VPS13A: variants seen among roughly 807,000 people sequenced by gnomAD.
The protein encoded by VPS13A is intermembrane lipid transfer protein VPS13A.
Under a neutral mutation model 390.9 loss-of-function variants are expected in VPS13A, and 264 were observed. The observed-to-expected ratio is 0.68, with a 90% CI of 0.61 to 0.75. VPS13A has a LOEUF of 0.75. Ranked by LOEUF, VPS13A falls within the 30% of genes least tolerant of loss-of-function variation. The probability of loss-of-function intolerance (pLI) is 0.00; values close to 1 mark genes in which losing one functional copy is unlikely to be tolerated. For synonymous variants in VPS13A, 1,231 were observed against 1,227.1 expected (o/e 1.00, Z -0.07); for missense variants, 3,409 against 3,733.9 (o/e 0.91, Z 2.27).
chr9:77,409,422 A>G (rs1834795889), intron 71 of VPS13A, among the ~76,000 whole-genome samples: 1 of 152,246 alleles, frequency 6.6e-6, no homozygotes, highest in African/African-American at 2.4e-5. Context: ...GCAGCTCCTC[A>G]CCAGCAATGG....
chr9:77,382,423 A>T (rs1306734967), intron 68 of VPS13A: 21 of 1,420,078 alleles, frequency 1.5e-5, no homozygotes, highest in Non-Finnish European at 1.9e-5. Flanking sequence ...GGTAACTTTT[A>T]ATAGGAATTT....
chr9:77,217,414 A>G (rs1006781737), intron 10 of VPS13A, among the ~76,000 whole-genome samples: 1 of 152,172 alleles, frequency 6.6e-6, no homozygotes, highest in South Asian at 2.1e-4. Flanking sequence ...TCACCTGAAT[A>G]ATGTACATTG....
At chr9:77,346,009 C>T (rs753077103) in intron 52 of VPS13A, among the ~76,000 whole-genome samples, 39 of 152,034 alleles carry the variant, frequency 2.6e-4, no homozygotes, top group Non-Finnish European at 4.3e-4. Flanking sequence ...AATATAATGA[C>T]TTCTCTTCCT....
intron 3 of VPS13A, among the ~76,000 whole-genome samples, chr9:77,203,964 A>G (rs1446384716): frequency 6.6e-6 from 1 of 152,164 alleles, no homozygotes; most frequent in East Asian, 1.9e-4. Flanking sequence ...CAGAGGCAAG[A>G]GGATTGCTTG....
intron 29 of VPS13A, among the ~76,000 whole-genome samples, 187 bp from the exon 30 acceptor site, chr9:77,283,168 T>A (rs1447093743): frequency 6.6e-6 from 1 of 152,182 alleles, no homozygotes; most frequent in South Asian, 2.1e-4. Context: ...TTGTTTTTGT[T>A]AGATTTTATT....
intron 51 of VPS13A, among the ~76,000 whole-genome samples, chr9:77,344,714 G>A (rs972044835): frequency 8.6e-5 from 13 of 151,422 alleles, no homozygotes; most frequent in South Asian, 8.3e-4. Context: ...AGCCGAGATC[G>A]CGCCACTGCA....
At position 77,220,060 on chromosome 9, in the gene VPS13A, A is replaced by G; in HGVS notation, c.861A>G (p.Ala287=). The G allele has an allele frequency of 6.2e-7, 1 of 1,610,148 alleles. No homozygotes were observed. The highest frequency in any genetic ancestry group is 8.5e-7 in the Non-Finnish European group (1 of 1,177,056). Residue 287 remains alanine, a synonymous_variant, in exon 11 of 72, where the codon GCA becomes GCG. Transcript: ENST00000360280. ...TGGAAATTGAGTTACATAACATAGC[A>G]ATTGAATTTAATAAACCACAGGTGA... The part of the protein sequence containing the change: ...INLEIELHNI[A]IEFNKPQYFS...
At chr9:77,353,953 C>T (rs1831617963) in intron 54 of VPS13A, among the ~76,000 whole-genome samples, 1 of 152,112 alleles carries the variant, frequency 6.6e-6, no homozygotes, top group South Asian at 2.1e-4. Context: ...CCATTACCAT[C>T]TAGCACAGTT....
chr9:77,241,446 T>C (rs575991837), intron 19 of VPS13A, among the ~76,000 whole-genome samples: 6 of 152,064 alleles, frequency 3.9e-5, no homozygotes, highest in African/African-American at 1.4e-4. Flanking sequence ...CTTTTTTTTT[T>C]TTTTCAGAGA....
intron 17 of VPS13A, among the ~76,000 whole-genome samples, chr9:77,235,904 T>C (rs1212890082): frequency 6.6e-6 from 1 of 152,204 alleles, no homozygotes; most frequent in East Asian, 1.9e-4. Context: ...TGATCCATAT[T>C]TAGTAGAAAT....
chr9:77,210,807 A>G (rs1197314137), intron 7 of VPS13A, 132 bp downstream of exon 7: 2 of 883,782 alleles, frequency 2.3e-6, no homozygotes, highest in Non-Finnish European at 3.7e-6. Flanking sequence ...TCTTCATTGG[A>G]TTGGAATCGA....
chr9:77,215,823 C>G (rs972189470), intron 10 of VPS13A, among the ~76,000 whole-genome samples: 4 of 152,230 alleles, frequency 2.6e-5, no homozygotes, highest in Admixed American at 6.5e-5. Context: ...GTACTTCACT[C>G]TCTGGAACTT....
At chr9:77,396,954 A>C (rs1162845799) in intron 68 of VPS13A, among the ~76,000 whole-genome samples, 1 of 152,158 alleles carries the variant, frequency 6.6e-6, no homozygotes, top group Non-Finnish European at 1.5e-5. Context: ...TTCTTGCTTG[A>C]TAGTATTCAT....
chr9:77,241,388 G>A (rs1824484294), intron 19 of VPS13A, among the ~76,000 whole-genome samples: 1 of 140,602 alleles, frequency 7.1e-6, no homozygotes, highest in Non-Finnish European at 1.6e-5. Flanking sequence ...AATCTGTGTT[G>A]TCATTCTTTT....
intron 32 of VPS13A, among the ~76,000 whole-genome samples, chr9:77,295,150 T>A (rs950057682): frequency 2.0e-5 from 3 of 151,920 alleles, no homozygotes; most frequent in South Asian, 2.1e-4. Flanking sequence ...AATTGGAAAA[T>A]TATTTTGAAA....
At position 77,302,909 on chromosome 9, in the gene VPS13A, T is replaced by C. The variant is rs1057515654; in HGVS notation, c.3813-6T>C. 1 of 1,611,074 alleles carries C rather than the reference T, an allele frequency of 6.2e-7. No individual in the cohort carries two copies. Among genetic ancestry groups the C allele is most frequent in the Non-Finnish European group, 8.5e-7 (1 of 1,177,458 alleles). ...CAATTTAAAAGAATGTTATCTCTAC[T>C]TATAGATCTCGATTTATTAATGATG... is the stretch of plus-strand genomic sequence containing the variant. On this transcript the variant is annotated splice_region_variant and splice_polypyrimidine_tract_variant and intron_variant, in intron 33 of 71. Coordinates refer to ENST00000360280, the MANE Select transcript of VPS13A (RefSeq NM_033305.3).
intron 67 of VPS13A, among the ~76,000 whole-genome samples, chr9:77,376,100 A>C (rs1375967100): frequency 1.3e-5 from 2 of 152,170 alleles, no homozygotes; most frequent in African/African-American, 4.8e-5. Flanking sequence ...AAAGAAGTAA[A>C]GGGTGAGCCA....
At chr9:77,335,573 AT>A (rs1400994093) in intron 46 of VPS13A, among the ~76,000 whole-genome samples, 1 of 152,252 alleles carries the variant, frequency 6.6e-6, no homozygotes, top group Non-Finnish European at 1.5e-5. Context: ...AAAAGAAGAC[AT>A]TTATGTGGCC....
chr9:77,260,934 T>A (rs568729626), intron 23 of VPS13A, among the ~76,000 whole-genome samples: 1 of 152,032 alleles, frequency 6.6e-6, no homozygotes, highest in African/African-American at 2.4e-5. Context: ...AGCCTATCTC[T>A]GTCACCCAAG....
Sources: gnomAD v4.1 joint callset for allele counts (sites outside exome capture counted in the v4.1 genomes callset) on GRCh38, gnomAD v4.1.1 for gene constraint, MANE v1.5 for transcripts, NCBI Gene and HGNC (gene_info 2026-07-23, HGNC 2026-07-21) for gene names.